Variants in ANKRD17 observed in about 807,000 individuals in gnomAD.
The protein encoded by ANKRD17 is ankyrin repeat domain-containing protein 17.
A neutral mutation model predicts 229.7 loss-of-function variants in ANKRD17; 19 were observed. The ratio of observed to expected loss-of-function variants is 0.08; its 90% CI spans 0.06 to 0.12. The LOEUF (loss-of-function observed/expected upper bound fraction) is 0.12, where lower values mean the gene tolerates loss of function less well. Among genes scored for constraint, ANKRD17 ranks in the 10% least tolerant of loss-of-function variants. ANKRD17 has a pLI of 1.00. For missense variants in ANKRD17, 2,176 were observed against 3,176.8 expected, an observed-to-expected ratio of 0.68 and a Z score of 7.57; for synonymous variants, 1,112 against 1,146.1, an observed-to-expected ratio of 0.97 and a Z score of 0.60.
chr4:73,102,122 A>C (rs1325310490), intron 25 of ANKRD17, among the ~76,000 whole-genome samples: 1 of 152,008 alleles, frequency 6.6e-6, no homozygotes, highest in Non-Finnish European at 1.5e-5. Context: ...AGATAATTAA[A>C]AAAAATTTTT....
At chr4:73,106,465 T>C (rs961647882) in intron 24 of ANKRD17, among the ~76,000 whole-genome samples, 2 of 151,968 alleles carry the variant, frequency 1.3e-5, no homozygotes, top group East Asian at 1.9e-4. Context: ...TAGCAAACCA[T>C]AGTGAAAGAT....
At chr4:73,204,375 A>AAAAAAAAAAG (rs1553936064) in intron 1 of ANKRD17, among the ~76,000 whole-genome samples, 2 of 150,054 alleles carry the variant, frequency 1.3e-5, no homozygotes, top group Admixed American at 6.6e-5. Flanking sequence ...AAAAAAAAAA[A>AAAAAAAAAAG]AAAAGAAAAG....
chr4:73,114,231 G>C (rs890214237), intron 23 of ANKRD17, among the ~76,000 whole-genome samples: 4 of 152,008 alleles, frequency 2.6e-5, no homozygotes, highest in African/African-American at 9.7e-5. Flanking sequence ...TATGTTGGCT[G>C]GTTAACAGGC....
At chr4:73,205,232 T>C (rs1262783671) in intron 1 of ANKRD17, among the ~76,000 whole-genome samples, 1 of 152,142 alleles carries the variant, frequency 6.6e-6, no homozygotes, top group Non-Finnish European at 1.5e-5. Flanking sequence ...AAGGCTGAGG[T>C]GAGAGGATCG....
chr4:73,203,773 A>AAG (rs1553935884), intron 1 of ANKRD17, among the ~76,000 whole-genome samples: 4 of 151,158 alleles, frequency 2.6e-5, no homozygotes, highest in Admixed American at 1.3e-4. Context: ...AAAAAAAAAA[A>AAG]AAAAAAGAAA....
At chr4:73,165,650 T>C (rs1016071577) in intron 2 of ANKRD17, among the ~76,000 whole-genome samples, 2 of 152,312 alleles carry the variant, frequency 1.3e-5, no homozygotes, top group East Asian at 3.9e-4. Flanking sequence ...TATAGCATTG[T>C]TGACCTAAAG....
intron 1 of ANKRD17, among the ~76,000 whole-genome samples, chr4:73,211,126 T>A (rs1236465531): frequency 1.3e-5 from 2 of 152,064 alleles, no homozygotes; most frequent in Admixed American, 1.3e-4. Flanking sequence ...GTCAAGCACA[T>A]AATACAGACC....
chr4:73,172,901 A>C (rs1291293634), intron 2 of ANKRD17, among the ~76,000 whole-genome samples: 1 of 152,246 alleles, frequency 6.6e-6, no homozygotes, highest in Non-Finnish European at 1.5e-5. Context: ...GAAGGAAGTT[A>C]ACAATACAAA....
chr4:73,237,162 A>G (rs1246970597), intron 1 of ANKRD17, among the ~76,000 whole-genome samples: 1 of 152,148 alleles, frequency 6.6e-6, no homozygotes, highest in Non-Finnish European at 1.5e-5. Context: ...TTCGTATTTG[A>G]TTAAGATATA....
Position 73,077,365 on chromosome 4 carries a change from G to A in ANKRD17, c.7577C>T (p.Pro2526Leu), listed in dbSNP as rs1721102419. 6.2e-7 allele frequency: 1 copy of A among 1,602,420 alleles called. No individual in the cohort carries two copies. Among genetic ancestry groups the A allele is most frequent in the Non-Finnish European group, 8.5e-7 (1 of 1,175,850 alleles). The change falls in exon 32 of 34, where the codon CCT becomes CTT. Residue 2526 changes from proline (P) to leucine (L), a missense_variant. Around this residue, in one of 18 missense-constraint regions of ANKRD17, gnomAD observed 159 missense variants for 214.3 expected, o/e 0.74. Coordinates refer to ENST00000358602, the MANE Select transcript of ANKRD17 (RefSeq NM_032217.5). ...QHVPAGYMDF[P>L]KVGGMPFSVY... is the part of the protein sequence containing the mutation. Reference sequence around the variant, plus strand: ...AAATCAGGACTTTACCCCAACTTTAGGAAAGTCCATGTAGCCTGCAGGAAC... The same window carrying A: ...AAATCAGGACTTTACCCCAACTTTAAGAAAGTCCATGTAGCCTGCAGGAAC...
intron 1 of ANKRD17, among the ~76,000 whole-genome samples, chr4:73,229,046 C>T (rs192663734): frequency 1.8e-4 from 27 of 152,220 alleles, no homozygotes; most frequent in African/African-American, 6.3e-4. Context: ...AAAAACCGAA[C>T]ACTGCATGTT....
intron 24 of ANKRD17, among the ~76,000 whole-genome samples, chr4:73,110,176 C>T (rs983401936): frequency 2.0e-5 from 3 of 152,062 alleles, no homozygotes; most frequent in South Asian, 2.1e-4. Context: ...CAGCCAAGAA[C>T]GTAACTTAGT....
intron 1 of ANKRD17, among the ~76,000 whole-genome samples, chr4:73,248,875 AT>A (rs1161980550): frequency 6.6e-6 from 1 of 152,092 alleles, no homozygotes; most frequent in African/African-American, 2.4e-5. Context: ...GTAGGAGTTA[AT>A]TCTAGTATGT....
intron 1 of ANKRD17, among the ~76,000 whole-genome samples, chr4:73,220,524 C>T (rs1560749269): frequency 6.6e-6 from 1 of 152,002 alleles, no homozygotes; most frequent in Non-Finnish European, 1.5e-5. Context: ...AAATAGTCAA[C>T]TTAAATATAT....
At chr4:73,181,142 A>G (rs1339771394) in intron 1 of ANKRD17, among the ~76,000 whole-genome samples, 1 of 152,222 alleles carries the variant, frequency 6.6e-6, no homozygotes, top group Admixed American at 6.5e-5. Flanking sequence ...ATCTAAAGGT[A>G]TATTTTATAG....
chr4:73,190,592 G>A (rs1422831116), intron 1 of ANKRD17, among the ~76,000 whole-genome samples: 3 of 148,650 alleles, frequency 2.0e-5, no homozygotes, highest in Admixed American at 2.0e-4. Flanking sequence ...AACCTGTAAG[G>A]GTGTAAACAC....
rs1183252850 is a variant in ANKRD17 at position 73,135,335 on chromosome 4, A to C, written c.3086-70T>G. The C allele has an allele frequency of 2.8e-6, 4 of 1,423,786 alleles. No individual in the cohort carries two copies. In the Admixed American group the frequency reaches 8.4e-5, roughly 30 times the overall value. The allele number at this position is 1,423,786 out of a possible 1,614,324, so 88.2% of individuals were successfully genotyped here. On this transcript the variant is annotated intron_variant, in intron 15 of 33. Transcript: ENST00000358602. ...AAGTAATACTAAGACATATTCACTC[A>C]AAAATATTTAAAGACTTCTTAAAAC...
chr4:73,251,231 C>T (rs1205146444), intron 1 of ANKRD17, among the ~76,000 whole-genome samples: 1 of 152,142 alleles, frequency 6.6e-6, no homozygotes, highest in Admixed American at 6.5e-5. Context: ...TCATAGCATG[C>T]TTGGGGAAAA....
rs1193412646 is a variant in ANKRD17 at position 73,097,286 on chromosome 4, A to T, written c.5022-14T>A. 1.3e-6 allele frequency: 2 copies of T among 1,566,858 alleles called. No individual in the cohort carries two copies. The highest frequency in any genetic ancestry group is 4.0e-5 in the Admixed American group (2 of 49,494). ...GTTTCTGACAATCTTTAACAAAGAG[A>T]GGGAAAGTACATTAAATATGGAACA... On this transcript the variant is annotated splice_polypyrimidine_tract_variant and intron_variant, in intron 26 of 33. Coordinates refer to ENST00000358602, the MANE Select transcript of ANKRD17 (RefSeq NM_032217.5).
Sources: gnomAD v4.1 joint callset for allele counts (sites outside exome capture counted in the v4.1 genomes callset) on GRCh38, gnomAD v4.1.1 for gene constraint, gnomAD v4.1.1 regional missense constraint, MANE v1.5 for transcripts, NCBI Gene and HGNC (gene_info 2026-07-23, HGNC 2026-07-21) for gene names.